The following FAM135B variants were observed in gnomAD, a reference collection of about 807,000 sequenced individuals.
FAM135B encodes the protein protein FAM135B.
A neutral mutation model predicts 127.7 loss-of-function variants in FAM135B; 43 were observed. That is an observed-to-expected ratio of 0.34 (90% confidence interval 0.26 to 0.43). FAM135B has a LOEUF of 0.43. Ranked by LOEUF, FAM135B falls within the 20% of genes least tolerant of loss-of-function variation. FAM135B has a pLI of 1.00. For missense variants in FAM135B, 1,558 were observed against 1,725.6 expected (o/e 0.90, Z 1.72); for synonymous variants, 670 against 665.1 (o/e 1.01, Z -0.11).
At chr8:138,451,281 C>G (rs543234030) in intron 1 of FAM135B, among the ~76,000 whole-genome samples, 1 of 152,310 alleles carries the variant, frequency 6.6e-6, no homozygotes, top group African/African-American at 2.4e-5. Flanking sequence ...GATCAAGTTG[C>G]ATTCTTGTTT....
At chr8:138,379,123 T>C (rs1831673478) in intron 1 of FAM135B, among the ~76,000 whole-genome samples, 1 of 152,112 alleles carries the variant, frequency 6.6e-6, no homozygotes, top group Non-Finnish European at 1.5e-5. Flanking sequence ...ACAAACAGAC[T>C]CCTAAGTGTG....
At chr8:138,455,979 C>G (rs1011278105) in intron 1 of FAM135B, among the ~76,000 whole-genome samples, 1 of 152,186 alleles carries the variant, frequency 6.6e-6, no homozygotes, top group Non-Finnish European at 1.5e-5. Context: ...CTTTTCAGAG[C>G]CTCAATTTCT....
intron 7 of FAM135B, among the ~76,000 whole-genome samples, chr8:138,227,266 T>C (rs1218464859): frequency 6.6e-6 from 1 of 152,192 alleles, no homozygotes; most frequent in Admixed American, 6.5e-5. Flanking sequence ...TTAAAAGTGT[T>C]TTCTGGGAAA....
At chr8:138,452,515 C>T (rs145996298) in intron 1 of FAM135B, among the ~76,000 whole-genome samples, 3 of 152,230 alleles carry the variant, frequency 2.0e-5, no homozygotes, top group South Asian at 4.1e-4. Context: ...CACCAAGACA[C>T]AAAGAAGTGG....
At chr8:138,462,986 A>C (rs1016064815) in intron 1 of FAM135B, among the ~76,000 whole-genome samples, 4 of 152,244 alleles carry the variant, frequency 2.6e-5, no homozygotes, top group African/African-American at 9.6e-5. Flanking sequence ...TTTTCATAAT[A>C]ATTGAAAGAC....
chr8:138,461,249 T>C (rs2131617229), intron 1 of FAM135B, among the ~76,000 whole-genome samples: 1 of 152,250 alleles, frequency 6.6e-6, no homozygotes, highest in Middle Eastern at 3.4e-3. Flanking sequence ...AGCACACACC[T>C]GAGCCAGGAA....
At position 138,242,593 on chromosome 8, in the gene FAM135B, C is replaced by A. The variant is rs1262606160; in HGVS notation, c.669+349G>T. 3.9e-5 allele frequency among the ~76,000 whole-genome samples: 6 copies of A among 152,106 alleles called. No individual in the cohort carries two copies. Among genetic ancestry groups the A allele is most frequent in the Non-Finnish European group, 8.8e-5 (6 of 68,036 alleles). On this transcript the variant is annotated intron_variant, in intron 7 of 19. Coordinates refer to ENST00000395297, the MANE Select transcript of FAM135B (RefSeq NM_015912.4). The surrounding 1 kb of genome is among the most constrained non-coding windows in gnomAD (Gnocchi z 9.6). ...GAGAGTGCACAAATGAAAGCGGGAG[C>A]CAGGTTTTGAAACCAGACATGGCCT...
chr8:138,362,234 T>C (rs903851053), intron 2 of FAM135B, among the ~76,000 whole-genome samples: 1 of 151,596 alleles, frequency 6.6e-6, no homozygotes, highest in Non-Finnish European at 1.5e-5. Context: ...ATTTCTTTTA[T>C]ACCCATTAAC....
At position 138,141,792 on chromosome 8, in the gene FAM135B, T is replaced by TCATTC. The variant is rs1360933629; in HGVS notation, c.3639-444_3639-443insGAATG. ...TTCATCCTCTCCTTCACCCGCTGTG[T>TCATTC]ATATATTGAACCACCTGCTCACAGC... is the stretch of plus-strand genomic sequence containing the variant. On this transcript the variant is annotated intron_variant, in intron 16 of 19. Transcript: ENST00000395297. The surrounding 1 kb of genome is among the most constrained non-coding windows in gnomAD (Gnocchi z 4.7). 1.4e-3 allele frequency among the ~76,000 whole-genome samples: 207 copies of TCATTC among 152,298 alleles called. No individual in the cohort carries two copies. The highest frequency in any genetic ancestry group is 6.8e-3 in the Middle Eastern group (2 of 294).
chr8:138,178,592 T>G lies in FAM135B; in HGVS notation c.972A>C (p.Thr324=). 6.2e-7 allele frequency: 1 copy of G among 1,614,122 alleles called. No homozygotes were observed. Among genetic ancestry groups the G allele is most frequent in the East Asian group, 2.2e-5 (1 of 44,858 alleles). ...MMTLWTQFLD[T]VTLHSQVTTY... is the part of the protein sequence containing the mutation. ...TGGTCACTTGGGAGTGCAGAGTGAC[T>G]GTGTCCAGGAACTGGGTCCACAGAG... Residue 324 remains threonine, a synonymous_variant, in exon 10 of 20, where the codon ACA becomes ACC. Transcript: ENST00000395297.
At chr8:138,432,583 A>G (rs914466804) in intron 1 of FAM135B, among the ~76,000 whole-genome samples, 2 of 151,924 alleles carry the variant, frequency 1.3e-5, no homozygotes, top group African/African-American at 4.8e-5. Context: ...TTTTGCCCTA[A>G]GCAGGTTATC....
chr8:138,488,771 A>G (rs1291205658), intron 1 of FAM135B, among the ~76,000 whole-genome samples: 1 of 151,850 alleles, frequency 6.6e-6, no homozygotes, highest in Non-Finnish European at 1.5e-5. Context: ...GGTTCAAGCA[A>G]TTTTCCTGCC....
intron 1 of FAM135B, among the ~76,000 whole-genome samples, chr8:138,479,520 T>C (rs1814685419): frequency 6.6e-6 from 1 of 152,220 alleles, no homozygotes; most frequent in African/African-American, 2.4e-5. Context: ...TTATTGCTCT[T>C]ACCACTTAGG....
At chr8:138,166,313 C>G (rs116767490) in intron 12 of FAM135B, among the ~76,000 whole-genome samples, 2 of 152,198 alleles carry the variant, frequency 1.3e-5, no homozygotes, top group Non-Finnish European at 2.9e-5. Flanking sequence ...GGACAAGAAA[C>G]GAGCCTTGAC....
At chr8:138,296,148 C>A (rs977467026) in intron 3 of FAM135B, among the ~76,000 whole-genome samples, 1 of 152,182 alleles carries the variant, frequency 6.6e-6, no homozygotes, top group Non-Finnish European at 1.5e-5. Flanking sequence ...TGGTTCTTGT[C>A]TTTTCCTCTT....
At chr8:138,433,459 G>T (rs1300863877) in intron 1 of FAM135B, among the ~76,000 whole-genome samples, 3 of 151,686 alleles carry the variant, frequency 2.0e-5, no homozygotes, top group Admixed American at 2.0e-4. Flanking sequence ...GACAGCAGAG[G>T]TTGCAGTGAG....
intron 12 of FAM135B, among the ~76,000 whole-genome samples, chr8:138,156,753 G>A (rs959480295): frequency 1.3e-5 from 2 of 152,256 alleles, no homozygotes; most frequent in South Asian, 4.1e-4. Flanking sequence ...CCAGGAAGAA[G>A]CTGAATCTCT....
At chr8:138,270,390 A>G (rs995646349) in intron 3 of FAM135B, among the ~76,000 whole-genome samples, 1 of 152,088 alleles carries the variant, frequency 6.6e-6, no homozygotes, top group Non-Finnish European at 1.5e-5. Flanking sequence ...CAGAATGACA[A>G]CTCTGGATGT....
intron 11 of FAM135B, among the ~76,000 whole-genome samples, chr8:138,175,259 T>C (rs1287652121): frequency 1.3e-5 from 2 of 152,156 alleles, no homozygotes; most frequent in African/African-American, 4.8e-5. Context: ...CCTACTGCCC[T>C]CTGGCCCTCC....
Sources: gnomAD v4.1 joint callset for allele counts (sites outside exome capture counted in the v4.1 genomes callset) on GRCh38, gnomAD v4.1.1 for gene constraint, Gnocchi (gnomAD v3.1) non-coding constraint, MANE v1.5 for transcripts, NCBI Gene and HGNC (gene_info 2026-07-23, HGNC 2026-07-21) for gene names.